Variants in KIT observed in about 807,000 individuals in gnomAD.
The protein encoded by KIT is KIT proto-oncogene, receptor tyrosine kinase.
KIT carries 16 observed loss-of-function variants against 105.7 expected under a neutral mutation model. The ratio of observed to expected loss-of-function variants is 0.15; its 90% CI spans 0.10 to 0.23. The LOEUF is 0.23. Among genes scored for constraint, KIT ranks in the 10% least tolerant of loss-of-function variants. The pLI is 1.00. For missense variants in KIT, 858 were observed against 1,213.8 expected, an observed-to-expected ratio of 0.71 and a Z score of 4.36; for synonymous variants, 438 against 441.1, an observed-to-expected ratio of 0.99 and a Z score of 0.09.
chr4:54,719,521 C>T (rs1274358147), intron 7 of KIT, among the ~76,000 whole-genome samples: 2 of 151,938 alleles, frequency 1.3e-5, no homozygotes, highest in Middle Eastern at 3.4e-3. Flanking sequence ...GTGTTGTTGG[C>T]GATATCAGAA....
At position 54,681,251 on chromosome 4, in the gene KIT, A is replaced by C. The variant is rs561972328; in HGVS notation, c.68-14261A>C. 2.1e-4 allele frequency among the ~76,000 whole-genome samples: 32 copies of C among 151,954 alleles called. No individual in the cohort carries two copies. In the East Asian group the frequency reaches 6.2e-3, roughly 30 times the overall value. ...TGCTTTCCAGAAATCAAAACACAGA[A>C]ATCTACATATTTACGGCAGCGGGGA... On this transcript the variant is annotated intron_variant, in intron 1 of 20. Transcript: ENST00000288135.
Position 54,695,681 on chromosome 4 carries a change from G to T in KIT, c.237G>T (p.Gln79His), listed in dbSNP as rs1720015461. Residue 79 changes from glutamine (Q) to histidine (H), a missense_variant, in exon 2 of 21, where the codon CAG (glutamine) becomes CAT (histidine). Physicochemically the swap from Gln to His is conservative, Grantham distance 24. This residue lies in a region of KIT where 401 missense variants were observed against 601.0 expected (regional missense o/e 0.67). Coordinates refer to ENST00000288135, the MANE Select transcript of KIT (RefSeq NM_000222.3). ...TGGATGAAACGAATGAGAATAAGCA[G>T]AATGAATGGATCACGGAAAAGGCAG... ...EILDETNENK[Q>H]NEWITEKAEA... 1 of 1,614,232 alleles carries T rather than the reference G, an allele frequency of 6.2e-7. No individual in the cohort carries two copies. Among genetic ancestry groups the T allele is most frequent in the Non-Finnish European group, 8.5e-7 (1 of 1,180,042 alleles).
Position 54,703,884 on chromosome 4 carries a change from A to T in KIT, c.917A>T (p.Glu306Val). Residue 306 changes from glutamate (E) to valine (V), a missense_variant, in exon 5 of 21, where the codon GAA (glutamate) becomes GTA (valine). By Grantham distance (121) the Glu-to-Val change is moderately radical. Around this residue, in one of 7 missense-constraint regions of KIT, gnomAD observed 401 missense variants for 601.0 expected, o/e 0.67. Coordinates refer to ENST00000288135, the MANE Select transcript of KIT (RefSeq NM_000222.3). Reference protein sequence around the residue: ...FGSANVTTTLEVVDKGFINIF... With the variant: ...FGSANVTTTLVVVDKGFINIF... ...TCAGCAAATGTCACAACAACCTTGGAAGTAGTAGGTAAATACCTCTATGGG... is the reference window on the plus strand; with the variant it reads ...TCAGCAAATGTCACAACAACCTTGGTAGTAGTAGGTAAATACCTCTATGGG... 6.2e-7 allele frequency: 1 copy of T among 1,612,744 alleles called. No individual in the cohort carries two copies. Among genetic ancestry groups the T allele is most frequent in the Non-Finnish European group, 8.5e-7 (1 of 1,178,704 alleles).
intron 6 of KIT, 120 bp from the exon 7 acceptor site, chr4:54,709,301 ACTG>A: frequency 1.4e-6 from 1 of 710,526 alleles, no homozygotes; most frequent in Admixed American, 2.1e-5. Flanking sequence ...GCTAATACTT[ACTG>A]AATTAAATGA....
chr4:54,707,721 G>T (rs540089753), intron 6 of KIT, among the ~76,000 whole-genome samples: 1 of 152,280 alleles, frequency 6.6e-6, no homozygotes, highest in African/African-American at 2.4e-5. Context: ...CCTCTCATTT[G>T]ATCCTCAAAA....
chr4:54,713,793 T>C (rs532179553), intron 7 of KIT, among the ~76,000 whole-genome samples: 3 of 152,326 alleles, frequency 2.0e-5, no homozygotes, highest in African/African-American at 7.2e-5. Flanking sequence ...TTAAAAAATA[T>C]TGTGCTCTGA....
intron 7 of KIT, among the ~76,000 whole-genome samples, chr4:54,709,854 G>A (rs1160540108): frequency 6.6e-6 from 1 of 152,212 alleles, no homozygotes; most frequent in Non-Finnish European, 1.5e-5. Context: ...TTGTTGGAAT[G>A]GGGGGCTAGT....
At chr4:54,715,125 C>G (rs918114064) in intron 7 of KIT, among the ~76,000 whole-genome samples, 1 of 152,040 alleles carries the variant, frequency 6.6e-6, no homozygotes, top group African/African-American at 2.4e-5. Flanking sequence ...TACAGTATAC[C>G]AAAATCAGCC....
chr4:54,718,114 C>T (rs1338349109), intron 7 of KIT, among the ~76,000 whole-genome samples: 4 of 152,062 alleles, frequency 2.6e-5, no homozygotes, highest in African/African-American at 9.7e-5. Flanking sequence ...TTGTTTTTTG[C>T]TTTTGAGACA....
Position 54,731,315 on chromosome 4 carries a change from T to G in KIT, c.2142-13T>G. ...CCACTTGATTCAGTCATGACTTGTT[T>G]CATCTCTCCCAGCAGCGATAGTACT... On this transcript the variant is annotated splice_polypyrimidine_tract_variant and intron_variant, in intron 14 of 20. Coordinates refer to ENST00000288135, the MANE Select transcript of KIT (RefSeq NM_000222.3). The G allele has an allele frequency of 6.3e-7, 1 of 1,598,488 alleles. No individual in the cohort carries two copies. Among genetic ancestry groups the G allele is most frequent in the Non-Finnish European group, 8.6e-7 (1 of 1,165,956 alleles).
At chr4:54,688,070 T>C (rs1719444088) in intron 1 of KIT, among the ~76,000 whole-genome samples, 1 of 152,166 alleles carries the variant, frequency 6.6e-6, no homozygotes, top group Non-Finnish European at 1.5e-5. Context: ...ATGTGGGTGA[T>C]TCAGAGTTGA....
At chr4:54,720,546 TCA>T (rs1363468950) in intron 7 of KIT, among the ~76,000 whole-genome samples, 1 of 152,228 alleles carries the variant, frequency 6.6e-6, no homozygotes, top group Non-Finnish European at 1.5e-5. Flanking sequence ...TTTTATAGGT[TCA>T]CTTTCAGCTA....
chr4:54,689,501 A>T lies in KIT; in HGVS notation c.68-6011A>T, dbSNP rs542657115. Among the ~76,000 whole-genome samples the T allele has an allele frequency of 1.2e-4, 19 of 152,340 alleles. 1 individual carries two copies. The South Asian group carries it at 3.9e-3, about 32-fold the overall frequency. On this transcript the variant is annotated intron_variant, in intron 1 of 20. Coordinates refer to ENST00000288135, the MANE Select transcript of KIT (RefSeq NM_000222.3). ...GACCTTTTCCTGCCAATGCTTATTT[A>T]GTATAAGCTCAACTGTATAGCAAAA...
chr4:54,673,774 T>C (rs1258396050), intron 1 of KIT, among the ~76,000 whole-genome samples: 2 of 152,202 alleles, frequency 1.3e-5, no homozygotes, highest in African/African-American at 4.8e-5. Flanking sequence ...CCAGTGTAGA[T>C]TTCCTAGCAT....
intron 4 of KIT, among the ~76,000 whole-genome samples, chr4:54,701,224 C>T (rs1157873105): frequency 2.6e-5 from 4 of 152,152 alleles, no homozygotes; most frequent in Non-Finnish European, 5.9e-5. Context: ...CCAGTGTGCA[C>T]CTCCAAGGGT....
chr4:54,678,218 G>A (rs1393772523), intron 1 of KIT, among the ~76,000 whole-genome samples: 1 of 152,044 alleles, frequency 6.6e-6, no homozygotes, highest in Non-Finnish European at 1.5e-5. Flanking sequence ...GATAACCTAT[G>A]TTGTCTGTTT....
intron 1 of KIT, among the ~76,000 whole-genome samples, chr4:54,673,349 T>C (rs1718247659): frequency 6.6e-6 from 1 of 152,222 alleles, no homozygotes; most frequent in South Asian, 2.1e-4. Context: ...CATAATTCAT[T>C]TGAATTGAAA....
chr4:54,704,714 A>C (rs983591927), intron 5 of KIT, among the ~76,000 whole-genome samples: 2 of 152,140 alleles, frequency 1.3e-5, no homozygotes, highest in Non-Finnish European at 2.9e-5. Context: ...TTTGAATTTA[A>C]TCCATTTTTC....
chr4:54,706,083 C>G (rs567488251), intron 5 of KIT, among the ~76,000 whole-genome samples: 3 of 151,850 alleles, frequency 2.0e-5, no homozygotes, highest in Non-Finnish European at 4.4e-5. Flanking sequence ...ATTTATTTAA[C>G]CGGTTTTCTA....
Sources: allele counts gnomAD v4.1 joint callset (sites outside exome capture counted in the v4.1 genomes callset), GRCh38; gene constraint gnomAD v4.1.1; regional missense constraint gnomAD v4.1.1; transcripts MANE v1.5; gene names NCBI Gene and HGNC (gene_info 2026-07-23, HGNC 2026-07-21).